DPY19L4: variants seen among roughly 807,000 people sequenced by gnomAD.
The protein encoded by DPY19L4 is probable C-mannosyltransferase DPY19L4.
In DPY19L4, 97 loss-of-function variants were observed where a neutral mutation model predicts 102.8. That is an observed-to-expected ratio of 0.94 (90% CI 0.80 to 1.12). The LOEUF (loss-of-function observed/expected upper bound fraction) is 1.12. Among genes scored for constraint, DPY19L4 ranks in the 50% most tolerant of loss-of-function variants. DPY19L4 has a pLI of 0.00. For missense variants in DPY19L4, 815 were observed against 850.4 expected (o/e 0.96, Z 0.52); for synonymous variants, 252 against 283.1 (o/e 0.89, Z 1.10).
At chr8:94,734,116 G>A (rs1277129349) in intron 2 of DPY19L4, among the ~76,000 whole-genome samples, 9 of 148,044 alleles carry the variant, frequency 6.1e-5, no homozygotes, top group African/African-American at 2.0e-4. Context: ...CTGGAGTGCA[G>A]TGGCATGATC....
At chr8:94,763,786 A>T (rs1420320351) in intron 8 of DPY19L4, among the ~76,000 whole-genome samples, 3 of 151,862 alleles carry the variant, frequency 2.0e-5, no homozygotes, top group Non-Finnish European at 4.4e-5. Flanking sequence ...TTGGCCTCCC[A>T]CAGTGCAGGG....
chr8:94,788,632 G>T (rs1049389023), intron 18 of DPY19L4, among the ~76,000 whole-genome samples: 8 of 103,148 alleles, frequency 7.8e-5, no homozygotes, highest in Non-Finnish European at 1.4e-4. Flanking sequence ...GACCACCTAA[G>T]ACTGACGCAC....
intron 12 of DPY19L4, among the ~76,000 whole-genome samples, chr8:94,768,766 G>A (rs1487411139): frequency 6.6e-6 from 1 of 152,022 alleles, no homozygotes; most frequent in Non-Finnish European, 1.5e-5. Context: ...GGCCGAAGCG[G>A]GCAGATCGCA....
chr8:94,751,231 G>C (rs941547427), intron 6 of DPY19L4, among the ~76,000 whole-genome samples: 5 of 148,950 alleles, frequency 3.4e-5, no homozygotes, highest in Non-Finnish European at 7.4e-5. Context: ...CCATTCTCCT[G>C]CCTCAGCCTC....
chr8:94,753,654 C>T (rs913403422), intron 6 of DPY19L4, among the ~76,000 whole-genome samples: 7 of 152,024 alleles, frequency 4.6e-5, no homozygotes, highest in South Asian at 2.1e-4. Flanking sequence ...AGGTGGATCA[C>T]GAGGTCAGGA....
chr8:94,741,804 A>T (rs1164665671), intron 6 of DPY19L4, among the ~76,000 whole-genome samples: 4 of 152,214 alleles, frequency 2.6e-5, no homozygotes, highest in Admixed American at 2.6e-4. Flanking sequence ...TTCTGGCTCA[A>T]CAAGGTGAGT....
At chr8:94,788,299 C>G (rs1192352444) in intron 18 of DPY19L4, among the ~76,000 whole-genome samples, 1 of 151,938 alleles carries the variant, frequency 6.6e-6, no homozygotes, top group African/African-American at 2.4e-5. Flanking sequence ...ACTGGAATTC[C>G]TTATTCATTG....
chr8:94,733,649 C>A (rs1447603807), intron 2 of DPY19L4, among the ~76,000 whole-genome samples: 5 of 151,826 alleles, frequency 3.3e-5, no homozygotes, highest in African/African-American at 1.2e-4. Context: ...TCAAGTGATT[C>A]TCCTGCCTCA....
intron 8 of DPY19L4, among the ~76,000 whole-genome samples, chr8:94,763,583 C>T (rs564103346): frequency 6.6e-6 from 1 of 151,218 alleles, no homozygotes. Flanking sequence ...TGCAGTGGTG[C>T]GATCTCAGCT....
chr8:94,786,947 TC>T (rs1212481164), intron 17 of DPY19L4, among the ~76,000 whole-genome samples: 2 of 152,138 alleles, frequency 1.3e-5, no homozygotes, highest in Non-Finnish European at 2.9e-5. Flanking sequence ...GGAGAATTGT[TC>T]CCCGAGGGGA....
At chr8:94,784,492 G>A (rs1315807113) in intron 17 of DPY19L4, among the ~76,000 whole-genome samples, 2 of 151,556 alleles carry the variant, frequency 1.3e-5, no homozygotes, top group African/African-American at 2.4e-5. Context: ...GCAATGGTGC[G>A]ATCTTGGCTC....
At chr8:94,764,211 A>C (rs908487924) in intron 8 of DPY19L4, among the ~76,000 whole-genome samples, 14 of 152,180 alleles carry the variant, frequency 9.2e-5, no homozygotes, top group African/African-American at 3.4e-4. Context: ...TGAAATTAAG[A>C]AGGTTCTTCC....
At chr8:94,755,742 G>A (rs780926679) in intron 6 of DPY19L4, among the ~76,000 whole-genome samples, 6 of 152,206 alleles carry the variant, frequency 3.9e-5, no homozygotes, top group East Asian at 1.9e-4. Context: ...AAAATTAGCC[G>A]GGTGTGGTGA....
intron 13 of DPY19L4, among the ~76,000 whole-genome samples, chr8:94,772,479 C>G (rs376857227): frequency 2.2e-4 from 34 of 152,288 alleles, no homozygotes; most frequent in East Asian, 1.5e-3. Flanking sequence ...AGGACAAGGT[C>G]CAGGAGACAC....
chr8:94,779,877 A>G (rs985493472), intron 14 of DPY19L4, among the ~76,000 whole-genome samples: 3 of 152,178 alleles, frequency 2.0e-5, no homozygotes, highest in African/African-American at 7.2e-5. Flanking sequence ...CTTTAATAAT[A>G]CTTATGTTGT....
At position 94,781,169 on chromosome 8, in the gene DPY19L4, A is replaced by G. The variant is rs1813416758; in HGVS notation, c.1715+3A>G. On this transcript the variant is annotated splice_donor_region_variant and intron_variant, in intron 16 of 18. Transcript: ENST00000414645. ...GTGGAACTTATGACCTGGATAAAGT[A>G]AGGATTGAAGTGCCCAAGACTATTA... The G allele has an allele frequency of 6.9e-6, 11 of 1,585,226 alleles. No individual in the cohort carries two copies. The highest frequency in any genetic ancestry group is 2.4e-5 in the South Asian group (2 of 83,542).
Position 94,793,692 on chromosome 8 carries a change from G to C in DPY19L4, c.*3782G>C, listed in dbSNP as rs1040994212. The C allele has an allele frequency of 6.6e-6, 1 of 152,098 alleles. No homozygotes were observed. The highest frequency in any genetic ancestry group is 1.5e-5 in the Non-Finnish European group (1 of 67,994). 9.4% of individuals were successfully genotyped at this position (152,098 alleles called of 1,614,324 possible). On this transcript the variant is annotated 3_prime_UTR_variant, in exon 19 of 19. Transcript: ENST00000414645. ...TTCCTATTCAAACAGGATCTCATTAGTATGTTTTTTAATGTGTAGAATTAA... is the reference window on the plus strand; with the variant it reads ...TTCCTATTCAAACAGGATCTCATTACTATGTTTTTTAATGTGTAGAATTAA...
chr8:94,758,188 G>A (rs987980628), intron 7 of DPY19L4, among the ~76,000 whole-genome samples: 5 of 152,064 alleles, frequency 3.3e-5, no homozygotes, highest in South Asian at 2.1e-4. Flanking sequence ...TCTTTGAGAC[G>A]TGGACTCGCT....
At chr8:94,725,382 G>C (rs1041963200) in intron 1 of DPY19L4, among the ~76,000 whole-genome samples, 10 of 152,118 alleles carry the variant, frequency 6.6e-5, no homozygotes, top group Admixed American at 5.9e-4. Flanking sequence ...TGTTCATCTT[G>C]GAGTTTAGTT....
Sources: gnomAD v4.1 joint callset for allele counts (sites outside exome capture counted in the v4.1 genomes callset) on GRCh38, gnomAD v4.1.1 for gene constraint, MANE v1.5 for transcripts, NCBI Gene and HGNC (gene_info 2026-07-23, HGNC 2026-07-21) for gene names.